Variants in PCDHA5 observed in about 807,000 individuals in gnomAD.
The protein encoded by PCDHA5 is protocadherin alpha-5.
In PCDHA5, 43 loss-of-function variants were observed where a neutral mutation model predicts 61.6. That is an observed-to-expected ratio of 0.70 (90% CI 0.55 to 0.90). The LOEUF (loss-of-function observed/expected upper bound fraction) is 0.90, where lower values mean the gene tolerates loss of function less well. Ranked by LOEUF, PCDHA5 falls within the 40% of genes least tolerant of loss-of-function variation. PCDHA5 has a pLI of 0.00. For synonymous variants in PCDHA5, 627 were observed against 543.9 expected, an observed-to-expected ratio of 1.15 and a Z score of -2.13; for missense variants, 1,298 against 1,222.7, an observed-to-expected ratio of 1.06 and a Z score of -0.92.
chr5:140,849,488 T>C, intron 1 of PCDHA5: 2 of 1,592,030 alleles, frequency 1.3e-6, no homozygotes, highest in South Asian at 1.1e-5. Flanking sequence ...CACCCCTGGC[T>C]GGTCATTGTA....
chr5:140,869,694 GA>G, intron 1 of PCDHA5: 1 of 1,613,394 alleles, frequency 6.2e-7, no homozygotes, highest in Non-Finnish European at 8.5e-7. Context: ...TTATTTTAAA[GA>G]AGTCTCTGGA....
intron 3 of PCDHA5, among the ~76,000 whole-genome samples, chr5:141,002,340 TTC>T (rs1554258614): frequency 5.3e-4 from 81 of 152,342 alleles, no homozygotes; most frequent in African/African-American, 1.9e-3. Flanking sequence ...TCCGCACCCC[TTC>T]CCCCACCTCC....
rs1554177749 is a variant in PCDHA5 at position 140,883,345 on chromosome 5, C to T, written c.2352+59218C>T. The T allele has an allele frequency of 1.9e-6, 3 of 1,614,050 alleles. No homozygotes were observed. In the African/African-American group the frequency reaches 4.0e-5, roughly 22 times the overall value. On this transcript the variant is annotated intron_variant, in intron 1 of 3. Transcript: ENST00000529859. ...CCATCACTTCTTTGTCACTCCCCAT[C>T]AGAGAAGACACTCAGCCTAGCGCCA...
chr5:140,981,755 A>G (rs868964961), intron 2 of PCDHA5, among the ~76,000 whole-genome samples: 12 of 152,222 alleles, frequency 7.9e-5, no homozygotes, highest in Admixed American at 3.3e-4. Context: ...TTAGTATTAG[A>G]CATACATAAA....
intron 1 of PCDHA5, chr5:140,878,201 T>C (rs1157119125): frequency 6.1e-6 from 1 of 164,102 alleles, no homozygotes; most frequent in African/African-American, 2.4e-5. Context: ...GTTGCAAGAA[T>C]GGTACAAAGA....
At chr5:140,963,925 T>C (rs1293339875) in intron 1 of PCDHA5, among the ~76,000 whole-genome samples, 1 of 152,230 alleles carries the variant, frequency 6.6e-6, no homozygotes, top group Non-Finnish European at 1.5e-5. Flanking sequence ...CTAAGTAACA[T>C]GTCCATAGCC....
intron 1 of PCDHA5, among the ~76,000 whole-genome samples, chr5:140,907,507 T>C (rs1358466312): frequency 2.0e-5 from 3 of 152,230 alleles, no homozygotes; most frequent in Admixed American, 6.5e-5. Context: ...TAAGTGTCTA[T>C]TCCAGTGAGG....
At chr5:140,955,157 T>A (rs1554221797) in intron 1 of PCDHA5, among the ~76,000 whole-genome samples, 1 of 152,198 alleles carries the variant, frequency 6.6e-6, no homozygotes, top group Non-Finnish European at 1.5e-5. Context: ...ACCAGTACCG[T>A]GCTGTTTTGG....
chr5:140,840,328 T>C lies in PCDHA5; in HGVS notation c.2352+16201T>C, dbSNP rs2150305844. ...TTTTAACTTTGGTCGACTCATTTTCTAGGCAATGTTAGGGTATACAGGTAA... is the reference window on the plus strand; with the variant it reads ...TTTTAACTTTGGTCGACTCATTTTCCAGGCAATGTTAGGGTATACAGGTAA... On this transcript the variant is annotated intron_variant, in intron 1 of 3. Transcript: ENST00000529859. Among the ~76,000 whole-genome samples, 12 of 152,150 alleles carry C rather than the reference T, an allele frequency of 7.9e-5. No individual in the cohort carries two copies. The South Asian group carries it at 2.5e-3, about 32-fold the overall frequency.
At chr5:140,826,886 C>A (rs1769095923) in intron 1 of PCDHA5, among the ~76,000 whole-genome samples, 1 of 151,996 alleles carries the variant, frequency 6.6e-6, no homozygotes, top group African/African-American at 2.4e-5. Context: ...GAAAGCTGTA[C>A]TCATAAAGAT....
intron 1 of PCDHA5, 31 bp downstream of exon 1, chr5:140,824,158 C>T (rs2150132728): frequency 6.2e-7 from 1 of 1,611,212 alleles, no homozygotes. Context: ...ATCCATCTTT[C>T]CCTCCCAATT....
intron 1 of PCDHA5, chr5:140,827,998 C>G: frequency 2.0e-6 from 3 of 1,482,462 alleles, no homozygotes; most frequent in Non-Finnish European, 2.7e-6. Flanking sequence ...TGATGGCGGA[C>G]GCAGAAGAAA....
intron 1 of PCDHA5, among the ~76,000 whole-genome samples, chr5:140,916,248 T>C (rs2077492943): frequency 6.6e-6 from 1 of 152,180 alleles, no homozygotes; most frequent in Admixed American, 6.5e-5. Flanking sequence ...AGCCTGGACT[T>C]GGGGACCCCA....
At chr5:140,973,208 C>T (rs2096576751) in intron 1 of PCDHA5, among the ~76,000 whole-genome samples, 1 of 152,170 alleles carries the variant, frequency 6.6e-6, no homozygotes, top group African/African-American at 2.4e-5. Flanking sequence ...TGCATATTCA[C>T]CCTAATTCCA....
chr5:140,875,808 G>A (rs1554167962), intron 1 of PCDHA5: 1 of 1,614,226 alleles, frequency 6.2e-7, no homozygotes, highest in South Asian at 1.1e-5. Flanking sequence ...TCGTGGACAG[G>A]CCGCTGCAGG....
intron 1 of PCDHA5, chr5:140,857,618 C>T: frequency 6.3e-7 from 1 of 1,596,552 alleles, no homozygotes; most frequent in Non-Finnish European, 8.6e-7. Flanking sequence ...GCCGCTGGAC[C>T]ACGAGGAGCT....
chr5:140,954,782 C>T (rs894049284), intron 1 of PCDHA5, among the ~76,000 whole-genome samples: 3 of 152,128 alleles, frequency 2.0e-5, no homozygotes, highest in Non-Finnish European at 4.4e-5. Context: ...TTAATTAGAT[C>T]TCATTTGTCA....
intron 1 of PCDHA5, chr5:140,858,383 A>T: frequency 6.3e-7 from 1 of 1,584,980 alleles, no homozygotes; most frequent in African/African-American, 1.3e-5. Flanking sequence ...ACCATGCCCA[A>T]TGGTAGATGT....
intron 1 of PCDHA5, among the ~76,000 whole-genome samples, chr5:140,906,473 A>G (rs2072671241): frequency 6.6e-6 from 1 of 152,214 alleles, no homozygotes. Flanking sequence ...TCTTAGTACA[A>G]ATGTATAAAT....
Sources: gnomAD v4.1 joint callset for allele counts (sites outside exome capture counted in the v4.1 genomes callset) on GRCh38, gnomAD v4.1.1 for gene constraint, MANE v1.5 for transcripts, NCBI Gene and HGNC (gene_info 2026-07-23, HGNC 2026-07-21) for gene names.